Variants in SNIP1 observed in about 807,000 individuals in gnomAD.
The protein encoded by SNIP1 is Smad nuclear interacting protein 1, also known as smad nuclear-interacting protein 1.
A neutral mutation model predicts 37.4 loss-of-function variants in SNIP1; 23 were observed. That is an observed-to-expected ratio of 0.61 (90% CI 0.44 to 0.87). The LOEUF (loss-of-function observed/expected upper bound fraction) is 0.87, where lower values mean the gene tolerates loss of function less well. Among genes scored for constraint, SNIP1 ranks in the 40% least tolerant of loss-of-function variants. SNIP1 has a pLI of 0.00. For missense variants in SNIP1, 459 were observed against 540.4 expected, an observed-to-expected ratio of 0.85 and a Z score of 1.49; for synonymous variants, 174 against 200.0, an observed-to-expected ratio of 0.87 and a Z score of 1.10.
At chr1:37,548,738 A>C (rs951978469) in intron 2 of SNIP1, 2 of 150,040 alleles carry the variant, frequency 1.3e-5, no homozygotes, top group African/African-American at 4.9e-5. Context: ...CGTCTCAAAA[A>C]AAAAAGAAAA....
chr1:37,535,637 G>A lies in SNIP1; in HGVS notation c.*2111C>T, dbSNP rs914042619. On this transcript the variant is annotated 3_prime_UTR_variant, in exon 4 of 4. Coordinates refer to ENST00000296215, the MANE Select transcript of SNIP1 (RefSeq NM_024700.4). ...ACTGAACAAGGAGATCCTAGAGTAA[G>A]ATACCAGATTAGTGCTTAAACCCTC... 2.6e-5 allele frequency: 4 copies of A among 152,084 alleles called. No individual in the cohort carries two copies. Among genetic ancestry groups the A allele is most frequent in the Admixed American group, 2.6e-4 (4 of 15,252 alleles). 9.4% of individuals were successfully genotyped at this position (152,084 alleles called of 1,614,324 possible).
Position 37,537,886 on chromosome 1 carries a change from T to C in SNIP1, c.1053A>G (p.Glu351=), listed in dbSNP as rs1643118536. ...NKRIEPQRYY[E]LKEKDVLKFG... ...ATTTGAGTACATCCTTTTCTTTTAG[T>C]TCATAGTATCTCTGTGGCTCAATAC... Residue 351 remains glutamate (E), a synonymous_variant, in exon 4 of 4, where the codon GAA becomes GAG. Coordinates refer to ENST00000296215, the MANE Select transcript of SNIP1 (RefSeq NM_024700.4). The C allele has an allele frequency of 1.2e-6, 2 of 1,614,110 alleles. No individual in the cohort carries two copies. The highest frequency in any genetic ancestry group is 1.7e-6 in the Non-Finnish European group (2 of 1,180,062).
At chr1:37,542,278 G>A (rs1359770714) in intron 2 of SNIP1, among the ~76,000 whole-genome samples, 3 of 152,224 alleles carry the variant, frequency 2.0e-5, no homozygotes, top group East Asian at 1.9e-4. Context: ...TTCCTGGTGG[G>A]ACAGCAGAAG....
intron 3 of SNIP1, 105 bp from the exon 4 acceptor site, chr1:37,538,117 C>T: frequency 1.5e-6 from 2 of 1,304,390 alleles, no homozygotes; most frequent in Non-Finnish European, 2.1e-6. Flanking sequence ...AATAACCTGG[C>T]TTGAGCACAA....
chr1:37,542,337 G>GTTT (rs1438446107), intron 2 of SNIP1, among the ~76,000 whole-genome samples: 1 of 152,162 alleles, frequency 6.6e-6, no homozygotes, highest in Non-Finnish European at 1.5e-5. Flanking sequence ...TTTATGAGTT[G>GTTT]TTTTTTTCTG....
intron 2 of SNIP1, among the ~76,000 whole-genome samples, chr1:37,550,675 C>A (rs1643289715): frequency 6.6e-6 from 1 of 151,680 alleles, no homozygotes; most frequent in South Asian, 2.1e-4. Flanking sequence ...CCATTACACT[C>A]CAGCCTGGGC....
At chr1:37,553,905 C>T in intron 1 of SNIP1, 101 bp downstream of exon 1, 1 of 1,219,462 alleles carries the variant, frequency 8.2e-7, no homozygotes, top group Non-Finnish European at 1.2e-6. Flanking sequence ...TAAGTCCGGG[C>T]TGCTGCGCCC....
intron 2 of SNIP1, chr1:37,545,263 A>G: frequency 1.6e-6 from 1 of 642,456 alleles, no homozygotes; most frequent in Non-Finnish European, 2.9e-6. Flanking sequence ...TATTTCTCTG[A>G]CAAGCACACC....
Position 37,540,682 on chromosome 1 carries a change from C to A in SNIP1, c.401G>T (p.Arg134Ile). ...TCTGTCCCGGTCACTGTTCCTAGCT[C>A]TCCTGTGTTCCTGTTCTGATGGTTC... is the stretch of plus-strand genomic sequence containing the variant. ...HREPSEQEHRRARNSDRDRHR... is the reference protein window; with the variant it reads ...HREPSEQEHRIARNSDRDRHR... The change falls in exon 3 of 4, where the codon AGA becomes ATA. Residue 134 changes from arginine (R) to isoleucine (I), a missense_variant. Coordinates refer to ENST00000296215, the MANE Select transcript of SNIP1 (RefSeq NM_024700.4). This position sits in a 1 kb window ranked among gnomAD's most constrained non-coding sequence, Gnocchi z 5.6. 6.2e-7 allele frequency: 1 copy of A among 1,614,082 alleles called. No individual in the cohort carries two copies. Among genetic ancestry groups the A allele is most frequent in the East Asian group, 2.2e-5 (1 of 44,876 alleles).
Position 37,537,540 on chromosome 1 carries a change from C to T in SNIP1, c.*208G>A, listed in dbSNP as rs1643113093. 2 of 545,604 alleles carry T rather than the reference C, an allele frequency of 3.7e-6. No individual in the cohort carries two copies. The highest frequency in any genetic ancestry group is 3.0e-5 in the East Asian group (1 of 33,142). The allele number at this position is 545,604 out of a possible 1,614,324, so 33.8% of individuals were successfully genotyped here. ...AAAACAAATGCCTGCAGGCATGTGG[C>T]CAAGGTGCCACAGAAAAAGTTTAAC... On this transcript the variant is annotated 3_prime_UTR_variant, in exon 4 of 4. Transcript: ENST00000296215.
rs560017076 is a variant in SNIP1, at chr1:37,536,551, A to T, written c.*1197T>A. The T allele has an allele frequency of 2.0e-5, 3 of 152,554 alleles. No individual in the cohort carries two copies. In the South Asian group the frequency reaches 6.2e-4, roughly 32 times the overall value. 9.5% of individuals were successfully genotyped at this position (152,554 alleles called of 1,614,324 possible). On this transcript the variant is annotated 3_prime_UTR_variant, in exon 4 of 4. Transcript: ENST00000296215. ...TCTTTGAAATGGGGCTATATTTACA[A>T]ATTTTATTTTTTTATCCCAAAAATA...
At position 37,540,628 on chromosome 1, in the gene SNIP1, G is replaced by A. The variant is rs754563990; in HGVS notation, c.455C>T (p.Thr152Met). The change falls in exon 3 of 4, where the codon ACG (threonine) becomes ATG (methionine). Residue 152 changes from threonine (T) to methionine (M), a missense_variant. Thr to Met is a moderately conservative substitution (Grantham distance 81). Coordinates refer to ENST00000296215, the MANE Select transcript of SNIP1 (RefSeq NM_024700.4). The surrounding 1 kb of genome is among the most constrained non-coding windows in gnomAD (Gnocchi z 5.6). ...RHRGHSHQRR[T>M]SNERPGSGQG... ...CCCACTCCCAGGCCTCTCGTTAGAC[G>A]TTCTCCTTTGGTGGGAATGGCCCCG... The A allele has an allele frequency of 3.7e-6, 6 of 1,614,070 alleles. No individual in the cohort carries two copies. The highest frequency in any genetic ancestry group is 3.3e-5 in the South Asian group (3 of 91,084).
intron 2 of SNIP1, among the ~76,000 whole-genome samples, chr1:37,546,379 A>G (rs562631640): frequency 2.0e-5 from 3 of 152,268 alleles, no homozygotes; most frequent in East Asian, 3.9e-4. Context: ...GAGTCATTAT[A>G]ATAAGCCATA....
Position 37,535,707 on chromosome 1 carries a change from C to A in SNIP1, c.*2041G>T, listed in dbSNP as rs185351944. 4 of 152,074 alleles carry A rather than the reference C, an allele frequency of 2.6e-5. No individual in the cohort carries two copies. The highest frequency in any genetic ancestry group is 4.4e-5 in the Non-Finnish European group (3 of 68,024). The allele number at this position is 152,074 out of a possible 1,614,324, so 9.4% of individuals were successfully genotyped here. On this transcript the variant is annotated 3_prime_UTR_variant, in exon 4 of 4. Coordinates refer to ENST00000296215, the MANE Select transcript of SNIP1 (RefSeq NM_024700.4). Reference sequence around the variant, plus strand: ...GGATCAAGAGAAAAGTTCATCCAAACAAACCTACTTTTCAGACAAGCACAT... The same window carrying A: ...GGATCAAGAGAAAAGTTCATCCAAAAAAACCTACTTTTCAGACAAGCACAT...
At chr1:37,553,803 GTCA>G (rs1643329835) in intron 1 of SNIP1, among the ~76,000 whole-genome samples, 200 bp downstream of exon 1, 1 of 152,210 alleles carries the variant, frequency 6.6e-6, no homozygotes, top group African/African-American at 2.4e-5. Flanking sequence ...CTGCCGGTTA[GTCA>G]TTAGGCGTTG....
At position 37,537,837 on chromosome 1, in the gene SNIP1, C is replaced by A; in HGVS notation, c.1102G>T (p.Val368Phe). The A allele has an allele frequency of 6.2e-7, 1 of 1,614,174 alleles. No homozygotes were observed. The highest frequency in any genetic ancestry group is 8.5e-7 in the Non-Finnish European group (1 of 1,180,020). Residue 368 changes from valine (V) to phenylalanine (F), a missense_variant, in exon 4 of 4, where the codon GTC (valine) becomes TTC (phenylalanine). Transcript: ENST00000296215. Reference sequence around the variant, plus strand: ...GTGTCCGACGACTCATGGAGCAAGACGTATTCTCTGCTACTGAATCCAAAT... The same window carrying A: ...GTGTCCGACGACTCATGGAGCAAGAAGTATTCTCTGCTACTGAATCCAAAT... ...LKFGFSSREY[V>F]LLHESSDTSE... is the part of the protein sequence containing the mutation.
At chr1:37,550,184 T>C (rs186748713) in intron 2 of SNIP1, among the ~76,000 whole-genome samples, 23 of 152,286 alleles carry the variant, frequency 1.5e-4, no homozygotes, top group African/African-American at 5.1e-4. Context: ...AAAAAGTTCT[T>C]AGCCATGACA....
At chr1:37,546,427 A>C (rs1029189926) in intron 2 of SNIP1, among the ~76,000 whole-genome samples, 1 of 152,154 alleles carries the variant, frequency 6.6e-6, no homozygotes, top group African/African-American at 2.4e-5. Flanking sequence ...TAATTCTAGC[A>C]CTTTGGGAGG....
chr1:37,549,360 A>G (rs1367678079), intron 2 of SNIP1, among the ~76,000 whole-genome samples: 1 of 152,226 alleles, frequency 6.6e-6, no homozygotes, highest in Non-Finnish European at 1.5e-5. Flanking sequence ...CATAGTAAAA[A>G]GTCAATTATT....
Sources: allele counts gnomAD v4.1 joint callset (sites outside exome capture counted in the v4.1 genomes callset), GRCh38; gene constraint gnomAD v4.1.1; non-coding constraint Gnocchi (gnomAD v3.1); transcripts MANE v1.5; gene names NCBI Gene and HGNC (gene_info 2026-07-23, HGNC 2026-07-21).